Variants in SLC16A5 observed in about 807,000 individuals in gnomAD.
The protein encoded by SLC16A5 is monocarboxylate transporter 6.
A neutral mutation model predicts 33.2 loss-of-function variants in SLC16A5; 29 were observed. The observed-to-expected ratio is 0.87, with a 90% CI of 0.65 to 1.19. The LOEUF is 1.19. Among genes scored for constraint, SLC16A5 ranks in the 50% most tolerant of loss-of-function variants. SLC16A5 has a pLI of 0.00. For missense variants in SLC16A5, 606 were observed against 678.2 expected, an observed-to-expected ratio of 0.89 and a Z score of 1.18; for synonymous variants, 248 against 284.1, an observed-to-expected ratio of 0.87 and a Z score of 1.28.
downstream of SLC16A5, among the ~76,000 whole-genome samples, chr17:75,107,443 G>A (rs542500665): frequency 5.3e-5 from 8 of 152,346 alleles, no homozygotes; most frequent in South Asian, 1.4e-3. Context: ...CAGAGACTGG[G>A]CAGAGGTAAG....
At chr17:75,096,893 A>C (rs1273007678) in intron 3 of SLC16A5, among the ~76,000 whole-genome samples, 1 of 112,792 alleles carries the variant, frequency 8.9e-6, no homozygotes, top group Non-Finnish European at 1.7e-5. Context: ...GTCGCCCAGG[A>C]TGGAGCGCAT....
rs1484275105 is a variant in SLC16A5, at chr17:75,100,318, T to C, written c.655T>C (p.Cys219Arg). ...ACCTGCACTTGGCTGCCTGGCTGCA[T>C]GCGGCCGGACCATCCAGCGCCACCT... Reference protein sequence around the residue: ...ETPALGCLAACGRTIQRHLAF... With the variant: ...ETPALGCLAARGRTIQRHLAF... Residue 219 changes from cysteine to arginine, a missense_variant, in exon 5 of 7, where the codon TGC (cysteine) becomes CGC (arginine). Cys to Arg is a radical substitution (Grantham distance 180). Coordinates refer to ENST00000329783, the MANE Select transcript of SLC16A5 (RefSeq NM_004695.4). The C allele has an allele frequency of 8.7e-6, 14 of 1,614,036 alleles. No homozygotes were observed. Among genetic ancestry groups the C allele is most frequent in the South Asian group, 7.7e-5 (7 of 91,080 alleles).
At chr17:75,104,956 A>G (rs2073845594) in intron 6 of SLC16A5, 1 of 985,186 alleles carries the variant, frequency 1.0e-6, no homozygotes, top group Non-Finnish European at 1.2e-6. Flanking sequence ...TGCCTCTATC[A>G]TTTCTCTTTG....
chr17:75,104,875 G>A (rs569068073), intron 6 of SLC16A5: 5 of 985,320 alleles, frequency 5.1e-6, no homozygotes, highest in Non-Finnish European at 6.0e-6. Context: ...TGTCCCAGCC[G>A]GCTCAGCGCA....
intron 2 of SLC16A5, among the ~76,000 whole-genome samples, chr17:75,090,896 A>C (rs117844704): frequency 0.017 from 2,583 of 152,296 alleles, 28 homozygotes; most frequent in Non-Finnish European, 0.028. Flanking sequence ...TTCAGAGTGA[A>C]GGTCACAGGA....
chr17:75,106,207 G>T, downstream of SLC16A5: 1 of 446,836 alleles, frequency 2.2e-6, no homozygotes, highest in South Asian at 4.4e-5. Flanking sequence ...CGGTTGAAAA[G>T]TCTGACTCGG....
At chr17:75,107,827 T>C (rs1331031956), downstream of SLC16A5, among the ~76,000 whole-genome samples, 4 of 152,060 alleles carry the variant, frequency 2.6e-5, no homozygotes, top group Admixed American at 1.3e-4. Flanking sequence ...GTCCCAGCTA[T>C]TCAGGAGGCT....
Position 75,100,691 on chromosome 17 carries a change from G to A in SLC16A5, c.1028G>A (p.Ser343Asn), listed in dbSNP as rs140468386. ...TGCCTGGCGTACAGCGTGTCCATGAGTGGCATCGGCGCCCTCATCTTCCAG... is the reference window on the plus strand; with the variant it reads ...TGCCTGGCGTACAGCGTGTCCATGAATGGCATCGGCGCCCTCATCTTCCAG... The part of the protein sequence containing the change: ...GYCLAYSVSM[S>N]GIGALIFQVL... The change falls in exon 5 of 7, where the codon AGT becomes AAT. Residue 343 changes from serine to asparagine, a missense_variant. Physicochemically the swap from Ser to Asn is conservative, Grantham distance 46. Transcript: ENST00000329783. The A allele has an allele frequency of 1.2e-6, 2 of 1,614,194 alleles. No homozygotes were observed. The highest frequency in any genetic ancestry group is 3.3e-5 in the Admixed American group (2 of 60,008).
rs1290829257 is a variant in SLC16A5, at chr17:75,092,289, G to A, written c.-48-1300G>A. Among the ~76,000 whole-genome samples, 4 of 151,846 alleles carry A rather than the reference G, an allele frequency of 2.6e-5. No homozygotes were observed. The East Asian group carries it at 7.7e-4, about 29-fold the overall frequency. ...TCTCTGTGTTCGTGTGAGTGTCTAC[G>A]CATCTGTGTAGTATGTGTCTGTCAG... On this transcript the variant is annotated intron_variant, in intron 2 of 6. Transcript: ENST00000329783.
Position 75,100,082 on chromosome 17 carries a change from C to T in SLC16A5, c.419C>T (p.Ala140Val). 1.2e-6 allele frequency: 2 copies of T among 1,613,888 alleles called. 1 individual carries two copies. The highest frequency in any genetic ancestry group is 2.7e-5 in the African/African-American group (2 of 75,080). ...TACTTTGTCCGCCGGCGGGTGCTGG[C>T]CAACGCGCTGGCCTCGATGGGCGTC... ...GFYFVRRRVL[A>V]NALASMGVSL... Residue 140 changes from alanine (A) to valine (V), a missense_variant, in exon 5 of 7, where the codon GCC becomes GTC. Ala to Val is a moderately conservative substitution (Grantham distance 64, BLOSUM62 0). Transcript: ENST00000329783.
chr17:75,093,277 T>C (rs766220830), intron 2 of SLC16A5: 161 of 760,698 alleles, frequency 2.1e-4, no homozygotes, highest in Non-Finnish European at 3.2e-4. Flanking sequence ...TTCTAAGTGA[T>C]GTAACAATTA....
chr17:75,105,443 C>T (rs1244885334), intron 6 of SLC16A5: 4 of 985,290 alleles, frequency 4.1e-6, no homozygotes, highest in Non-Finnish European at 4.8e-6. Flanking sequence ...TCCTGTCCTC[C>T]AGAGGCCCCC....
At chr17:75,102,604 T>TCGGTAC (rs1306898394) in intron 5 of SLC16A5, among the ~76,000 whole-genome samples, 1 of 152,076 alleles carries the variant, frequency 6.6e-6, no homozygotes, top group Non-Finnish European at 1.5e-5. Context: ...TGTAAAGCCC[T>TCGGTAC]CGGTACCGGG....
Position 75,106,023 on chromosome 17 carries a change from G to A in SLC16A5, c.1508G>A (p.Ser503Asn), listed in dbSNP as rs1323717863. ...QAKQTALGWN[S>N]PT is the part of the protein sequence containing the mutation. Reference sequence around the variant, plus strand: ...AAGCAAACGGCTCTGGGCTGGAATAGCCCTACCTGAGTGCCCTGTTTGACT... The same window carrying A: ...AAGCAAACGGCTCTGGGCTGGAATAACCCTACCTGAGTGCCCTGTTTGACT... Residue 503 changes from serine (S) to asparagine (N), a missense_variant, in exon 7 of 7, where the codon AGC (serine) becomes AAC (asparagine). Physicochemically the swap from Ser to Asn is conservative, Grantham distance 46. Coordinates refer to ENST00000329783, the MANE Select transcript of SLC16A5 (RefSeq NM_004695.4). 6.5e-7 allele frequency: 1 copy of A among 1,550,154 alleles called. No individual in the cohort carries two copies. The highest frequency in any genetic ancestry group is 1.8e-5 in the Admixed American group (1 of 54,966).
At chr17:75,104,876 G>A (rs2073844477) in intron 6 of SLC16A5, 1 of 985,328 alleles carries the variant, frequency 1.0e-6, no homozygotes, top group African/African-American at 1.7e-5. Flanking sequence ...GTCCCAGCCG[G>A]CTCAGCGCAG....
chr17:75,089,037 C>T (rs2073605109), intron 1 of SLC16A5, 114 bp from the exon 2 acceptor site: 1 of 152,204 alleles, frequency 6.6e-6, no homozygotes, highest in African/African-American at 2.4e-5. Context: ...GCTTGGCAGC[C>T]CCTGGGGCCC....
At chr17:75,092,614 C>G (rs11868996) in intron 2 of SLC16A5, among the ~76,000 whole-genome samples, 1 of 151,972 alleles carries the variant, frequency 6.6e-6, no homozygotes, top group African/African-American at 2.4e-5. Flanking sequence ...CTTGAGCCAT[C>G]GTGCCCGGCC....
intron 6 of SLC16A5, 121 bp from the exon 7 acceptor site, chr17:75,105,759 T>TAAA (rs1471300224): frequency 7.0e-7 from 1 of 1,421,478 alleles, no homozygotes; most frequent in Admixed American, 2.9e-5. Flanking sequence ...ACGTTTCCCC[T>TAAA]CACCCTTCCT....
intron 4 of SLC16A5, among the ~76,000 whole-genome samples, chr17:75,098,758 AG>A (rs1307597952): frequency 2.0e-5 from 3 of 152,070 alleles, no homozygotes; most frequent in African/African-American, 7.2e-5. Flanking sequence ...AGGAAAGAAG[AG>A]AAAAAGGATG....
Sources: allele counts gnomAD v4.1 joint callset (sites outside exome capture counted in the v4.1 genomes callset), GRCh38; gene constraint gnomAD v4.1.1; transcripts MANE v1.5; gene names NCBI Gene and HGNC (gene_info 2026-07-23, HGNC 2026-07-21).